The following VWC2L variants were observed in gnomAD, a reference collection of about 807,000 sequenced individuals.
VWC2L encodes von Willebrand factor C domain containing 2 like, also known as von Willebrand factor C domain-containing protein 2-like.
In VWC2L, 10 loss-of-function variants were observed where a neutral mutation model predicts 21.6. That is an observed-to-expected ratio of 0.46 (90% CI 0.29 to 0.78). The LOEUF is 0.78. VWC2L is among the 30% of genes least tolerant of loss of function. The pLI is 0.10. For missense variants in VWC2L, 209 were observed against 277.1 expected, an observed-to-expected ratio of 0.75 and a Z score of 1.74; for synonymous variants, 96 against 94.3, an observed-to-expected ratio of 1.02 and a Z score of -0.10.
rs1390756927 is a variant in VWC2L, at chr2:214,578,286, A to AT, written c.*2470dup. 4 of 152,212 alleles carry AT rather than the reference A, an allele frequency of 2.6e-5. No homozygotes were observed. The highest frequency in any genetic ancestry group is 9.6e-5 in the African/African-American group (4 of 41,458). The allele number at this position is 152,212 out of a possible 1,614,324, so 9.4% of individuals were successfully genotyped here. Reference sequence around the variant, plus strand: ...ACAACTGGGAAGCTGAAGTGCAGAAATTTTGCATCAAAGCATTGGCACAGC... The same window carrying AT: ...ACAACTGGGAAGCTGAAGTGCAGAAATTTTTGCATCAAAGCATTGGCACAGC... On this transcript the variant is annotated 3_prime_UTR_variant, in exon 4 of 4. Transcript: ENST00000312504.
At chr2:214,521,285 C>T (rs961920363) in intron 3 of VWC2L, among the ~76,000 whole-genome samples, 3 of 151,290 alleles carry the variant, frequency 2.0e-5, no homozygotes, top group East Asian at 1.9e-4. Flanking sequence ...ATAAAACTAC[C>T]AAGTTTGAGC....
chr2:214,542,527 G>A (rs1189898624), intron 3 of VWC2L, among the ~76,000 whole-genome samples: 1 of 152,226 alleles, frequency 6.6e-6, no homozygotes, highest in East Asian at 1.9e-4. Context: ...TAAATGTGCA[G>A]TTAATGCAAG....
intron 3 of VWC2L, among the ~76,000 whole-genome samples, chr2:214,523,161 G>A (rs951567003): frequency 6.6e-6 from 1 of 152,140 alleles, no homozygotes; most frequent in Non-Finnish European, 1.5e-5. Context: ...CCATGCCATT[G>A]CCTTATTTCA....
intron 3 of VWC2L, among the ~76,000 whole-genome samples, chr2:214,563,323 G>C (rs1354302575): frequency 6.6e-6 from 1 of 151,938 alleles, no homozygotes; most frequent in South Asian, 2.1e-4. Flanking sequence ...TGAGGCAGGT[G>C]GATCACGAGG....
intron 3 of VWC2L, among the ~76,000 whole-genome samples, chr2:214,477,369 G>A (rs1238278605): frequency 6.6e-6 from 1 of 152,238 alleles, no homozygotes; most frequent in African/African-American, 2.4e-5. Flanking sequence ...TGAGAAATAT[G>A]CAGAGGTTGT....
intron 3 of VWC2L, among the ~76,000 whole-genome samples, chr2:214,477,511 G>A (rs181176155): frequency 1.3e-4 from 20 of 152,278 alleles, no homozygotes; most frequent in Admixed American, 6.5e-4. Context: ...GTCCAGTCCT[G>A]CCTAATTTCA....
rs777835650 is a variant in VWC2L at position 214,575,727 on chromosome 2, G to A, written c.576G>A (p.Val192=). 16 of 1,613,384 alleles carry A rather than the reference G, an allele frequency of 9.9e-6. No individual in the cohort carries two copies. The highest frequency in any genetic ancestry group is 1.4e-5 in the Non-Finnish European group (16 of 1,179,532). ...TIIPAGIEVK[V]DECNICHCHN... is the part of the protein sequence containing the mutation. ...TTCCAGCTGGCATTGAAGTGAAAGT[G>A]GACGAATGTAACATCTGTCATTGTC... The change falls in exon 4 of 4, where the codon GTG becomes GTA. Residue 192 remains valine (V), a synonymous_variant. Coordinates refer to ENST00000312504, the MANE Select transcript of VWC2L (RefSeq NM_001080500.4).
intron 3 of VWC2L, among the ~76,000 whole-genome samples, chr2:214,499,814 T>C (rs1688866573): frequency 6.6e-6 from 1 of 152,232 alleles, no homozygotes; most frequent in Admixed American, 6.5e-5. Flanking sequence ...TTTGGTCATT[T>C]AACAAATATT....
chr2:214,442,153 G>T (rs886900377), intron 3 of VWC2L, among the ~76,000 whole-genome samples: 1 of 151,892 alleles, frequency 6.6e-6, no homozygotes, highest in African/African-American at 2.4e-5. Flanking sequence ...ATTGTGATCC[G>T]CCTGCCTCGG....
At chr2:214,538,775 G>C (rs913695244) in intron 3 of VWC2L, among the ~76,000 whole-genome samples, 4 of 151,994 alleles carry the variant, frequency 2.6e-5, no homozygotes, top group Admixed American at 2.0e-4. Context: ...ATCTGCTACT[G>C]TTCACATTTT....
intron 3 of VWC2L, among the ~76,000 whole-genome samples, chr2:214,443,371 C>G (rs1013729702): frequency 2.0e-5 from 3 of 150,650 alleles, no homozygotes; most frequent in Non-Finnish European, 4.4e-5. Context: ...GACTCCATCT[C>G]AAAAACAAAA....
intron 2 of VWC2L, among the ~76,000 whole-genome samples, chr2:214,435,185 G>C (rs892635364): frequency 1.3e-5 from 2 of 152,198 alleles, no homozygotes; most frequent in South Asian, 4.1e-4. Flanking sequence ...TGTACTGTAC[G>C]TTCTAATCTT....
At chr2:214,530,447 G>C (rs1292753845) in intron 3 of VWC2L, among the ~76,000 whole-genome samples, 1 of 152,100 alleles carries the variant, frequency 6.6e-6, no homozygotes. Flanking sequence ...ATACACATTA[G>C]GTAATGTTTG....
chr2:214,496,245 T>TATATATATATATATATATA (rs1281850895), intron 3 of VWC2L, among the ~76,000 whole-genome samples: 2 of 142,552 alleles, frequency 1.4e-5, no homozygotes, highest in African/African-American at 5.2e-5. Flanking sequence ...TATTACAATC[T>TATATATATATATATATATA]TATGGGACAA....
Position 214,576,021 on chromosome 2 carries a change from A to G in VWC2L, c.*201A>G. 2 of 376,352 alleles carry G rather than the reference A, an allele frequency of 5.3e-6. No individual in the cohort carries two copies. Among genetic ancestry groups the G allele is most frequent in the Non-Finnish European group, 9.2e-6 (2 of 217,844 alleles). The allele number at this position is 376,352 out of a possible 1,614,324, so 23.3% of individuals were successfully genotyped here. A position where few individuals can be genotyped will look rare whatever the true frequency, so the allele number is the denominator to read the frequency against. ...TTGCTATATAAAATATATATAGTAT[A>G]TAGCTATCTAAATCGCTTTTGTATT... On this transcript the variant is annotated 3_prime_UTR_variant, in exon 4 of 4. Coordinates refer to ENST00000312504, the MANE Select transcript of VWC2L (RefSeq NM_001080500.4).
At chr2:214,508,797 T>C (rs1689007651) in intron 3 of VWC2L, among the ~76,000 whole-genome samples, 1 of 152,194 alleles carries the variant, frequency 6.6e-6, no homozygotes, top group Admixed American at 6.5e-5. Flanking sequence ...TTGTGTTTTT[T>C]TGGTTTGTTT....
At chr2:214,563,275 C>A (rs541044347) in intron 3 of VWC2L, among the ~76,000 whole-genome samples, 1 of 151,924 alleles carries the variant, frequency 6.6e-6, no homozygotes, top group Admixed American at 6.6e-5. Context: ...AGGCCGGGTG[C>A]GGTGGTGCAC....
intron 3 of VWC2L, among the ~76,000 whole-genome samples, chr2:214,514,682 C>T (rs904496545): frequency 1.5e-4 from 23 of 152,214 alleles, no homozygotes; most frequent in African/African-American, 4.8e-4. Context: ...AAATCTGTTA[C>T]TGGGTCAACA....
intron 3 of VWC2L, among the ~76,000 whole-genome samples, chr2:214,449,959 T>C (rs959435084): frequency 1.3e-5 from 2 of 152,164 alleles, no homozygotes; most frequent in Admixed American, 6.6e-5. Flanking sequence ...TCGGTTACTT[T>C]CCCATGTTGT....
Sources: gnomAD v4.1 joint callset for allele counts (sites outside exome capture counted in the v4.1 genomes callset) on GRCh38, gnomAD v4.1.1 for gene constraint, MANE v1.5 for transcripts, NCBI Gene and HGNC (gene_info 2026-07-23, HGNC 2026-07-21) for gene names.